The following SLC2A9 variants were observed in gnomAD, a reference collection of about 807,000 sequenced individuals.
SLC2A9 encodes the protein solute carrier family 2 member 9.
In SLC2A9, 39 loss-of-function variants were observed where a neutral mutation model predicts 50.6. The observed-to-expected ratio is 0.77, with a 90% confidence interval of 0.60 to 1.01. SLC2A9 has a LOEUF of 1.01. Among genes scored for constraint, SLC2A9 ranks in the 50% least tolerant of loss-of-function variants. The pLI, the probability that SLC2A9 is intolerant of heterozygous loss-of-function variation, is 0.00. For missense variants in SLC2A9, 686 were observed against 677.6 expected (o/e 1.01, Z -0.14); for synonymous variants, 324 against 276.9 (o/e 1.17, Z -1.69).
intron 10 of SLC2A9, among the ~76,000 whole-genome samples, chr4:9,866,474 G>A (rs999213549): frequency 1.4e-4 from 21 of 147,570 alleles, no homozygotes; most frequent in African/African-American, 5.1e-4. Context: ...CTTCCTTCCT[G>A]CTCTCTTAGT....
chr4:9,788,049 C>T (rs1005991501), intron 3 of SLC2A9, among the ~76,000 whole-genome samples: 55 of 152,126 alleles, frequency 3.6e-4, no homozygotes, highest in Admixed American at 3.5e-3. Flanking sequence ...TTCCCTGAAT[C>T]AGTTATTACT....
chr4:9,866,078 A>C (rs1394074183), intron 10 of SLC2A9, among the ~76,000 whole-genome samples: 3 of 152,152 alleles, frequency 2.0e-5, no homozygotes, highest in Non-Finnish European at 2.9e-5. Flanking sequence ...CATGGGGGAA[A>C]GGGCCCCAGT....
Position 9,957,781 on chromosome 4 carries a change from C to T in SLC2A9, c.682-15736G>A, listed in dbSNP as rs527703958. On this transcript the variant is annotated intron_variant, in intron 5 of 11. Transcript: ENST00000264784. ...AATGATAAAGAGATGAAGGAAAGGA[C>T]AGAAAATACTAAAATCAAACTTAGA... Among the ~76,000 whole-genome samples, 27 of 152,078 alleles carry T rather than the reference C, an allele frequency of 1.8e-4. No individual in the cohort carries two copies. The South Asian group carries it at 5.6e-3, about 32-fold the overall frequency.
At chr4:9,991,384 CT>C (rs1479133762) in intron 3 of SLC2A9, among the ~76,000 whole-genome samples, 1 of 152,210 alleles carries the variant, frequency 6.6e-6, no homozygotes, top group Non-Finnish European at 1.5e-5. Context: ...TTCCTGCCCC[CT>C]GGTTGAGAAC....
intron 5 of SLC2A9, among the ~76,000 whole-genome samples, chr4:9,970,028 T>C (rs1262875655): frequency 6.6e-6 from 1 of 152,092 alleles, no homozygotes; most frequent in African/African-American, 2.4e-5. Context: ...ACAGACTCTT[T>C]GAAAGAAGTG....
rs1008396062 is a variant in SLC2A9 at position 10,035,572 on chromosome 4, T to C, written c.-41+4558A>G. On this transcript the variant is annotated intron_variant, in intron 1 of 12. Coordinates refer to the SLC2A9 transcript ENST00000309065. ...TGGATCCTGGGTGTGATGCTTAATT[T>C]CAGGTGCCTGAATTAAAGAATCCCT... The C allele has an allele frequency of 3.7e-4, 57 of 152,162 alleles. 2 individuals are homozygous for C. The allele number at this position is 152,162 out of a possible 1,614,324, so 9.4% of individuals were successfully genotyped here.
chr4:9,990,410 C>T (rs1479247044), intron 3 of SLC2A9, among the ~76,000 whole-genome samples: 3 of 152,124 alleles, frequency 2.0e-5, no homozygotes, highest in Admixed American at 6.5e-5. Flanking sequence ...ATGGTTCTTA[C>T]GTTGAAGGGC....
intron 11 of SLC2A9, 146 bp downstream of exon 11, chr4:9,834,735 C>T: frequency 7.5e-7 from 1 of 1,332,432 alleles, no homozygotes; most frequent in Non-Finnish European, 1.0e-6. Flanking sequence ...AGGTTTTGCC[C>T]AAAGCATAGT....
intron 6 of SLC2A9, among the ~76,000 whole-genome samples, chr4:9,936,511 G>A (rs1373788919): frequency 6.6e-6 from 1 of 152,144 alleles, no homozygotes; most frequent in Non-Finnish European, 1.5e-5. Flanking sequence ...GTACAAAGAG[G>A]GGAAGAAAAG....
chr4:9,882,242 G>A (rs1735337827), intron 10 of SLC2A9, among the ~76,000 whole-genome samples: 1 of 152,124 alleles, frequency 6.6e-6, no homozygotes, highest in Admixed American at 6.5e-5. Flanking sequence ...ATAAAAGCAG[G>A]AGCCCCCTCC....
At chr4:9,860,150 C>A (rs1269449470) in intron 10 of SLC2A9, among the ~76,000 whole-genome samples, 1 of 152,174 alleles carries the variant, frequency 6.6e-6, no homozygotes, top group Non-Finnish European at 1.5e-5. Context: ...ACCAGGCGTT[C>A]TCTGTGGGAA....
chr4:9,918,759 G>A (rs1348944230), intron 7 of SLC2A9, among the ~76,000 whole-genome samples: 1 of 152,160 alleles, frequency 6.6e-6, no homozygotes, highest in Non-Finnish European at 1.5e-5. Context: ...CCACTGAGAT[G>A]GGAAGCCAGG....
In SLC2A9 at chr4:9,920,378, G is replaced by A; in HGVS notation, c.1002+7C>T. ...TGCAAGGATGCCCACCGGGCCCCAGGACTCACTGCATTGAGGCCACAGAGC... is the reference window on the plus strand; with the variant it reads ...TGCAAGGATGCCCACCGGGCCCCAGAACTCACTGCATTGAGGCCACAGAGC... On this transcript the variant is annotated splice_region_variant and intron_variant, in intron 7 of 11. Transcript: ENST00000264784. The A allele has an allele frequency of 1.2e-6, 2 of 1,613,948 alleles. No individual in the cohort carries two copies. The highest frequency in any genetic ancestry group is 1.7e-6 in the Non-Finnish European group (2 of 1,179,960).
intron 6 of SLC2A9, among the ~76,000 whole-genome samples, chr4:9,922,095 G>T (rs978770631): frequency 3.9e-5 from 6 of 152,074 alleles, no homozygotes; most frequent in Non-Finnish European, 5.9e-5. Flanking sequence ...CCTTTTTATG[G>T]ATTCATAGTA....
intron 8 of SLC2A9, among the ~76,000 whole-genome samples, chr4:9,906,767 A>G (rs1394938587): frequency 1.3e-5 from 2 of 152,232 alleles, no homozygotes; most frequent in African/African-American, 4.8e-5. Context: ...TTCATCTCAG[A>G]CTGTGTTTTT....
chr4:9,835,255 TCAC>T, intron 10 of SLC2A9, among the ~76,000 whole-genome samples: 1 of 152,072 alleles, frequency 6.6e-6, no homozygotes, highest in Non-Finnish European at 1.5e-5. Flanking sequence ...GAGCCTCCAG[TCAC>T]CACCACAACC....
downstream of SLC2A9, among the ~76,000 whole-genome samples, chr4:9,794,341 A>G (rs532503480): frequency 5.3e-5 from 8 of 152,124 alleles, no homozygotes; most frequent in Admixed American, 1.3e-4. Context: ...TTTTTAGTAG[A>G]GATGGGGTTT....
At chr4:9,842,523 G>C (rs1728241316) in intron 10 of SLC2A9, among the ~76,000 whole-genome samples, 1 of 152,182 alleles carries the variant, frequency 6.6e-6, no homozygotes, top group Non-Finnish European at 1.5e-5. Context: ...TGAAATTTCA[G>C]GGAATAGAGG....
intron 10 of SLC2A9, among the ~76,000 whole-genome samples, chr4:9,843,035 T>A (rs1728341872): frequency 6.6e-6 from 1 of 152,126 alleles, no homozygotes; most frequent in African/African-American, 2.4e-5. Context: ...TTACCCAGTC[T>A]GAGGGGTAGG....
Sources: allele counts gnomAD v4.1 joint callset (sites outside exome capture counted in the v4.1 genomes callset), GRCh38; gene constraint gnomAD v4.1.1; transcripts MANE v1.5; gene names NCBI Gene and HGNC (gene_info 2026-07-23, HGNC 2026-07-21).